SUMF1: variants seen among roughly 807,000 people sequenced by gnomAD.
The protein encoded by SUMF1 is formylglycine-generating enzyme.
In SUMF1, 48 loss-of-function variants were observed where a neutral mutation model predicts 47.6. The ratio of observed to expected loss-of-function variants is 1.01; its 90% CI spans 0.80 to 1.28. SUMF1 has a LOEUF of 1.28. Ranked by LOEUF, SUMF1 falls within the 50% of genes most tolerant of loss-of-function variation. The pLI is 0.00. For missense variants in SUMF1, 571 were observed against 485.4 expected, an observed-to-expected ratio of 1.18 and a Z score of -1.66; for synonymous variants, 230 against 192.1, an observed-to-expected ratio of 1.20 and a Z score of -1.63.
chr3:4,292,077 G>A (rs1559658152), intron 8 of SUMF1, among the ~76,000 whole-genome samples: 3 of 152,104 alleles, frequency 2.0e-5, no homozygotes, highest in Admixed American at 6.6e-5. Flanking sequence ...GCAAAAACAT[G>A]TTTGGAATAA....
At chr3:4,073,918 T>C (rs560665365) in intron 8 of SUMF1, among the ~76,000 whole-genome samples, 1 of 152,232 alleles carries the variant, frequency 6.6e-6, no homozygotes, top group South Asian at 2.1e-4. Flanking sequence ...CTGTCAATAT[T>C]AGACAGATCA....
chr3:4,152,459 T>C (rs1359933350), intron 8 of SUMF1, among the ~76,000 whole-genome samples: 2 of 150,730 alleles, frequency 1.3e-5, no homozygotes, highest in African/African-American at 5.0e-5. Flanking sequence ...GGATTTGCTT[T>C]TTTTTTTTCT....
At chr3:4,418,941 C>T (rs1701806267) in intron 4 of SUMF1, among the ~76,000 whole-genome samples, 1 of 152,148 alleles carries the variant, frequency 6.6e-6, no homozygotes, top group East Asian at 1.9e-4. Context: ...GCTACAAATT[C>T]CTAGTCCATT....
intron 6 of SUMF1, among the ~76,000 whole-genome samples, chr3:4,413,820 G>C (rs1701621321): frequency 6.6e-6 from 1 of 151,740 alleles, no homozygotes; most frequent in African/African-American, 2.4e-5. Flanking sequence ...GAGGACAGGA[G>C]TTCAAGACCA....
At chr3:4,091,010 G>A (rs1216619344) in intron 8 of SUMF1, among the ~76,000 whole-genome samples, 1 of 151,734 alleles carries the variant, frequency 6.6e-6, no homozygotes, top group Non-Finnish European at 1.5e-5. Context: ...GAACCAGAGA[G>A]GCGGAGGTTG....
In SUMF1 at chr3:4,313,771, T is replaced by C. The variant is rs766839621; in HGVS notation, c.1014+62559A>G. 1.1e-5 allele frequency: 18 copies of C among 1,613,882 alleles called. No individual in the cohort carries two copies. In the Middle Eastern group the frequency reaches 8.2e-4, roughly 74 times the overall value. On this transcript the variant is annotated intron_variant and NMD_transcript_variant, in intron 8 of 12. Coordinates refer to the SUMF1 transcript ENST00000448413. ...GCGATTGACCCTTGAGGTGAGTCTG[T>C]TCAGTGATAAGCAGCTTGCCCCTCC...
At chr3:4,144,009 T>A (rs1694136409) in intron 8 of SUMF1, among the ~76,000 whole-genome samples, 1 of 144,522 alleles carries the variant, frequency 6.9e-6, no homozygotes, top group South Asian at 2.2e-4. Context: ...TTTTTTTTTT[T>A]AGACAGGGTC....
At chr3:4,331,203 CT>C (rs953027739) in intron 8 of SUMF1, among the ~76,000 whole-genome samples, 152 of 142,802 alleles carry the variant, frequency 1.1e-3, no homozygotes, top group Non-Finnish European at 1.7e-3. Flanking sequence ...TTTATCTGTC[CT>C]TTTTTTATTC....
chr3:4,304,533 C>T (rs192346336), intron 8 of SUMF1, among the ~76,000 whole-genome samples: 34 of 152,312 alleles, frequency 2.2e-4, no homozygotes, highest in African/African-American at 7.5e-4. Context: ...GAGCGCTGGA[C>T]GTGGAAGTTG....
At position 4,425,451 on chromosome 3, in the gene SUMF1, G is replaced by C. The variant is rs796809479; in HGVS notation, c.520-5305C>G. On this transcript the variant is annotated intron_variant, in intron 3 of 8. Transcript: ENST00000272902. ...ACAATATTCTCTTAGAGCTTTCAGAGAACATATATTCTAATTAGTGAAAAT... is the reference window on the plus strand; with the variant it reads ...ACAATATTCTCTTAGAGCTTTCAGACAACATATATTCTAATTAGTGAAAAT... 2.8e-4 allele frequency among the ~76,000 whole-genome samples: 42 copies of C among 152,246 alleles called. 1 individual carries two copies. The highest frequency in any genetic ancestry group is 8.9e-4 in the African/African-American group (37 of 41,542).
At chr3:4,273,484 G>A (rs1328789827) in intron 8 of SUMF1, among the ~76,000 whole-genome samples, 1 of 151,906 alleles carries the variant, frequency 6.6e-6, no homozygotes, top group East Asian at 1.9e-4. Context: ...ACAGAAAGTA[G>A]ATCAACGACT....
intron 8 of SUMF1, chr3:4,316,809 G>C: frequency 6.4e-7 from 1 of 1,550,638 alleles, no homozygotes; most frequent in Non-Finnish European, 8.7e-7. Context: ...GTGGTCTGCT[G>C]CTGGTCTGAT....
chr3:4,325,089 G>T (rs929247437), intron 8 of SUMF1, among the ~76,000 whole-genome samples: 4 of 152,190 alleles, frequency 2.6e-5, no homozygotes, highest in Middle Eastern at 3.4e-3. Context: ...CACAAGATCA[G>T]CATGGAAAAG....
intron 9 of SUMF1, among the ~76,000 whole-genome samples, chr3:4,051,174 C>A (rs1695105058): frequency 1.3e-5 from 2 of 151,822 alleles, no homozygotes; most frequent in Non-Finnish European, 2.9e-5. Flanking sequence ...AAGAAAGCTC[C>A]TAAAACAACT....
At chr3:4,120,524 T>C (rs1408442168) in intron 8 of SUMF1, among the ~76,000 whole-genome samples, 1 of 152,106 alleles carries the variant, frequency 6.6e-6, no homozygotes, top group African/African-American at 2.4e-5. Context: ...TGTCTACCTG[T>C]TGGGAAAATA....
At chr3:4,291,216 G>A (rs1434809016) in intron 8 of SUMF1, among the ~76,000 whole-genome samples, 1 of 152,140 alleles carries the variant, frequency 6.6e-6, no homozygotes, top group African/African-American at 2.4e-5. Context: ...GAATTTCAAT[G>A]AGAAATTTTC....
At chr3:4,442,505 C>T (rs1490937855) in intron 3 of SUMF1, among the ~76,000 whole-genome samples, 1 of 151,672 alleles carries the variant, frequency 6.6e-6, no homozygotes, top group Non-Finnish European at 1.5e-5. Context: ...GTGATCCGCC[C>T]GCCTCGGCCT....
At chr3:4,055,683 A>G (rs185322859) in intron 9 of SUMF1, among the ~76,000 whole-genome samples, 1 of 152,010 alleles carries the variant, frequency 6.6e-6, no homozygotes, top group Non-Finnish European at 1.5e-5. Flanking sequence ...GGGTCTTGCT[A>G]TGTTGCCCAG....
At chr3:4,368,372 C>T (rs1700051747) in intron 8 of SUMF1, among the ~76,000 whole-genome samples, 2 of 152,204 alleles carry the variant, frequency 1.3e-5, no homozygotes, top group South Asian at 4.1e-4. Context: ...AATAGAGACA[C>T]TTTTGCACTG....
Sources: allele counts gnomAD v4.1 joint callset (sites outside exome capture counted in the v4.1 genomes callset), GRCh38; gene constraint gnomAD v4.1.1; transcripts MANE v1.5; gene names NCBI Gene and HGNC (gene_info 2026-07-23, HGNC 2026-07-21).